KLF15: variants seen among roughly 807,000 people sequenced by gnomAD.
KLF15 encodes the protein Krueppel-like factor 15.
A neutral mutation model predicts 24.6 loss-of-function variants in KLF15; 4 were observed. That is an observed-to-expected ratio of 0.16 (90% CI 0.08 to 0.37). The LOEUF is 0.37. Among genes scored for constraint, KLF15 ranks in the 10% least tolerant of loss-of-function variants. The probability of loss-of-function intolerance (pLI) is 1.00; values close to 1 mark genes in which losing one functional copy is unlikely to be tolerated. For synonymous variants in KLF15, 246 were observed against 236.3 expected (o/e 1.04, Z -0.37); for missense variants, 496 against 560.6 (o/e 0.88, Z 1.16).
At chr3:126,323,427 AT>A in the KLF15 span, among the ~76,000 whole-genome samples, 1 of 42,352 alleles carries the variant, frequency 2.4e-5, no homozygotes, top group African/African-American at 7.1e-5. Context: ...ATATATATAT[AT>A]ATATATAACA....
the KLF15 span, among the ~76,000 whole-genome samples, chr3:126,335,542 C>T: frequency 6.7e-6 from 1 of 148,324 alleles, no homozygotes. Context: ...CTCACCACTC[C>T]TATTCAACAT....
At chr3:126,346,999 A>G (rs1197032190) in intron 2 of KLF15, among the ~76,000 whole-genome samples, 1 of 152,190 alleles carries the variant, frequency 6.6e-6, no homozygotes, top group Non-Finnish European at 1.5e-5. Flanking sequence ...GCACGTGGCA[A>G]TTATTCAAGA....
In KLF15 at chr3:126,351,972, G is replaced by A. The variant is rs201479151; in HGVS notation, c.951C>T (p.Leu317=). 2.5e-6 allele frequency: 4 copies of A among 1,602,800 alleles called. No homozygotes were observed. The highest frequency in any genetic ancestry group is 3.4e-6 in the Non-Finnish European group (4 of 1,174,662). The change falls in exon 2 of 3, where the codon CTC becomes CTT. Residue 317 remains leucine (L), a synonymous_variant. Coordinates refer to ENST00000296233, the MANE Select transcript of KLF15 (RefSeq NM_014079.4). ...QKFPKNPAAE[L]IKMHKCTFPG... ...GGAAAGTACATTTGTGCATTTTGAT[G>A]AGTTCTGCGGCTGGGTTCTTGGGGA... is the stretch of plus-strand genomic sequence containing the variant.
the KLF15 span, among the ~76,000 whole-genome samples, chr3:126,311,971 T>C: frequency 6.6e-6 from 1 of 152,148 alleles, no homozygotes; most frequent in Non-Finnish European, 1.5e-5. Flanking sequence ...CACACTCTGC[T>C]CCAGCTCTTC....
the KLF15 span, among the ~76,000 whole-genome samples, chr3:126,307,514 C>A: frequency 6.6e-6 from 1 of 152,186 alleles, no homozygotes; most frequent in South Asian, 2.1e-4. Flanking sequence ...TGTTAGAATG[C>A]AGTCTAAAAG....
At position 126,352,000 on chromosome 3, in the gene KLF15, T is replaced by A. The variant is rs1405205246; in HGVS notation, c.923A>T (p.Lys308Met). ...TTCTGCGGCTGGGTTCTTGGGGAAC[T>A]TCTGGCCCATGAGGAGACCGGCAGG... is the stretch of plus-strand genomic sequence containing the variant. ...PGPAGLLMGQ[K>M]FPKNPAAELI... The change falls in exon 2 of 3, where the codon AAG (lysine) becomes ATG (methionine). Residue 308 changes from lysine (K) to methionine (M), a missense_variant. Lys to Met is a moderately conservative substitution (Grantham distance 95). Coordinates refer to ENST00000296233, the MANE Select transcript of KLF15 (RefSeq NM_014079.4). The A allele has an allele frequency of 1.3e-6, 2 of 1,572,594 alleles. No homozygotes were observed. Among genetic ancestry groups the A allele is most frequent in the Non-Finnish European group, 1.7e-6 (2 of 1,159,192 alleles).
the KLF15 span, among the ~76,000 whole-genome samples, chr3:126,301,610 C>CTTTTTTTTTTTTTTTTTT: frequency 1.1e-4 from 15 of 132,282 alleles, no homozygotes; most frequent in Admixed American, 2.5e-4. Flanking sequence ...TTTTCTTTTT[C>CTTTTTTTTTTTTTTTTTT]TTTTTTTTTT....
At chr3:126,326,883 T>C in the KLF15 span, among the ~76,000 whole-genome samples, 1 of 152,266 alleles carries the variant, frequency 6.6e-6, no homozygotes, top group Non-Finnish European at 1.5e-5. Context: ...GATTTAACTA[T>C]AATTAATAAA....
the KLF15 span, among the ~76,000 whole-genome samples, chr3:126,323,434 TAA>T: frequency 5.2e-5 from 3 of 57,612 alleles, no homozygotes; most frequent in East Asian, 9.8e-4. Context: ...TATATATATA[TAA>T]CATATATATG....
intron 2 of KLF15, among the ~76,000 whole-genome samples, chr3:126,344,736 A>G (rs2082518269): frequency 6.6e-6 from 1 of 152,064 alleles, no homozygotes; most frequent in South Asian, 2.1e-4. Flanking sequence ...GAGTCCACCC[A>G]CTCCTGAAAC....
At chr3:126,339,436 C>T (rs1374806677), downstream of KLF15, among the ~76,000 whole-genome samples, 1 of 152,208 alleles carries the variant, frequency 6.6e-6, no homozygotes, top group East Asian at 1.9e-4. Context: ...GGGCGTTTCT[C>T]GTGCCCTCCC....
the KLF15 span, among the ~76,000 whole-genome samples, chr3:126,293,697 T>A: frequency 2.0e-5 from 3 of 152,276 alleles, no homozygotes; most frequent in East Asian, 5.8e-4. Context: ...TGTTCCTAAA[T>A]CAGCACAAGT....
At chr3:126,300,354 G>T in the KLF15 span, among the ~76,000 whole-genome samples, 1 of 152,272 alleles carries the variant, frequency 6.6e-6, no homozygotes, top group South Asian at 2.1e-4. Context: ...GCTGGCCCTC[G>T]CAGGCACTTC....
At chr3:126,314,255 G>T in the KLF15 span, among the ~76,000 whole-genome samples, 1 of 152,048 alleles carries the variant, frequency 6.6e-6, no homozygotes, top group South Asian at 2.1e-4. Context: ...CAAAGGGTGG[G>T]GATATGGGTC....
At chr3:126,300,482 G>A in the KLF15 span, among the ~76,000 whole-genome samples, 2 of 152,190 alleles carry the variant, frequency 1.3e-5, no homozygotes. Context: ...TGCACGGTAG[G>A]TGTGGGCAGT....
the KLF15 span, among the ~76,000 whole-genome samples, chr3:126,329,998 G>A: frequency 5.3e-5 from 8 of 152,276 alleles, no homozygotes; most frequent in East Asian, 1.5e-3. Context: ...TCTGCTGTAT[G>A]TTCTCACTGG....
At chr3:126,323,429 A>ATGT in the KLF15 span, among the ~76,000 whole-genome samples, 1 of 49,058 alleles carries the variant, frequency 2.0e-5, no homozygotes, top group African/African-American at 6.5e-5. Context: ...ATATATATAT[A>ATGT]TATATAACAT....
In KLF15 at chr3:126,352,664, C is replaced by G; in HGVS notation, c.259G>C (p.Gly87Arg). The change falls in exon 2 of 3, where the codon GGC (glycine) becomes CGC (arginine). Residue 87 changes from glycine (G) to arginine (R), a missense_variant. Gly to Arg is a moderately radical substitution (Grantham distance 125). This residue lies in a region of KLF15 where 399 missense variants were observed against 423.1 expected (regional missense o/e 0.94). Transcript: ENST00000296233. ...LDFLLSQATL[G>R]SGGGSGSSIG... ...CTACTGCCGCTGCCCCCGCCACTGC[C>G]CAGCGTGGCCTGGGACAATAGGAAG... The G allele has an allele frequency of 6.3e-7, 1 of 1,599,218 alleles. No homozygotes were observed. The highest frequency in any genetic ancestry group is 1.1e-5 in the South Asian group (1 of 89,406).
the KLF15 span, among the ~76,000 whole-genome samples, chr3:126,306,044 G>T: frequency 5.3e-5 from 8 of 152,182 alleles, no homozygotes; most frequent in Non-Finnish European, 1.2e-4. Context: ...AACCCCTGAG[G>T]CAGAGGCAGC....
Sources: gnomAD v4.1 joint callset for allele counts (sites outside exome capture counted in the v4.1 genomes callset) on GRCh38, gnomAD v4.1.1 for gene constraint, gnomAD v4.1.1 regional missense constraint, MANE v1.5 for transcripts, NCBI Gene and HGNC (gene_info 2026-07-23, HGNC 2026-07-21) for gene names.